MACROH2A1: variants seen among roughly 807,000 people sequenced by gnomAD.
The protein encoded by MACROH2A1 is macroH2A.1 histone, also known as core histone macro-H2A.1.
MACROH2A1 carries 2 observed loss-of-function variants against 31.6 expected under a neutral mutation model. The ratio of observed to expected loss-of-function variants is 0.06; its 90% CI spans 0.03 to 0.20. MACROH2A1 has a LOEUF of 0.20. Among genes scored for constraint, MACROH2A1 ranks in the 10% least tolerant of loss-of-function variants. The pLI is 1.00. For synonymous variants in MACROH2A1, 169 were observed against 189.6 expected (o/e 0.89, Z 0.89); for missense variants, 230 against 474.0 (o/e 0.49, Z 4.78).
intron 5 of MACROH2A1, 54 bp from the exon 6 acceptor site, chr5:135,353,099 G>T: frequency 8.8e-7 from 1 of 1,141,740 alleles, no homozygotes; most frequent in Non-Finnish European, 1.3e-6. Context: ...AAGTCTCAGA[G>T]AAGGAGCCTT....
rs967554153 is a variant in MACROH2A1, at chr5:135,338,191, A to G, written c.954-3050T>C. Among the ~76,000 whole-genome samples the G allele has an allele frequency of 1.4e-3, 215 of 152,294 alleles. 1 individual carries two copies. Among genetic ancestry groups the G allele is most frequent in the African/African-American group, 4.8e-3 (201 of 41,576 alleles). On this transcript the variant is annotated intron_variant, in intron 8 of 8. Transcript: ENST00000511689. ...GCAGCAGCTGAGGCAGGTCAGACCC[A>G]GGTCTGCCTCTGAGGCTTGGGTGGC...
chr5:135,392,289 C>T (rs1043307718), intron 1 of MACROH2A1, among the ~76,000 whole-genome samples: 2 of 152,198 alleles, frequency 1.3e-5, no homozygotes, highest in Non-Finnish European at 1.5e-5. Context: ...GTAGTCAACT[C>T]ATCCCAAGAA....
At position 135,340,626 on chromosome 5, in the gene MACROH2A1, G is replaced by A. The variant is rs942789629; in HGVS notation, c.953+2634C>T. On this transcript the variant is annotated intron_variant, in intron 8 of 8. Transcript: ENST00000511689. ...TTATGGTCATCTTCCATCCATGTAG[G>A]CTGTGCCACTGGGCCTCAGCTAAGA... Among the ~76,000 whole-genome samples, 7 of 152,296 alleles carry A rather than the reference G, an allele frequency of 4.6e-5. No individual in the cohort carries two copies. The South Asian group carries it at 1.5e-3, about 32-fold the overall frequency.
chr5:135,339,750 A>G (rs1440743893), intron 8 of MACROH2A1, among the ~76,000 whole-genome samples: 1 of 152,178 alleles, frequency 6.6e-6, no homozygotes, highest in Non-Finnish European at 1.5e-5. Flanking sequence ...CTTTGATCCA[A>G]GTCATCAGGA....
intron 5 of MACROH2A1, chr5:135,355,670 G>A (rs1157140449): frequency 4.9e-6 from 1 of 203,806 alleles, no homozygotes; most frequent in African/African-American, 2.3e-5. Flanking sequence ...TTGGCAGGTG[G>A]GCCAGTGGGC....
rs887159548 is a variant in MACROH2A1 at position 135,334,619 on chromosome 5, C to T, written c.*357G>A. 2.0e-5 allele frequency: 4 copies of T among 200,662 alleles called. No homozygotes were observed. The highest frequency in any genetic ancestry group is 2.0e-4 in the South Asian group (2 of 9,852). 12.4% of individuals were successfully genotyped at this position (200,662 alleles called of 1,614,324 possible). On this transcript the variant is annotated 3_prime_UTR_variant, in exon 9 of 9. Coordinates refer to ENST00000511689, the MANE Select transcript of MACROH2A1 (RefSeq NM_138610.3). Reference sequence around the variant, plus strand: ...ATGTACAATAAAGCACCACAACACACGCTTACAAACGGGGCTTCCTGGCTT... The same window carrying T: ...ATGTACAATAAAGCACCACAACACATGCTTACAAACGGGGCTTCCTGGCTT...
intron 1 of MACROH2A1, among the ~76,000 whole-genome samples, chr5:135,389,957 T>G (rs1178293736): frequency 1.3e-5 from 2 of 152,250 alleles, no homozygotes; most frequent in Non-Finnish European, 2.9e-5. Flanking sequence ...GGCCCTGGCC[T>G]GAAAGCTTTC....
intron 4 of MACROH2A1, among the ~76,000 whole-genome samples, chr5:135,363,681 G>A (rs1012476733): frequency 3.3e-5 from 5 of 152,086 alleles, no homozygotes; most frequent in African/African-American, 9.7e-5. Flanking sequence ...TAACCCTTTG[G>A]GTATATACCC....
At chr5:135,382,047 A>G (rs1323614483) in intron 2 of MACROH2A1, among the ~76,000 whole-genome samples, 1 of 152,256 alleles carries the variant, frequency 6.6e-6, no homozygotes, top group East Asian at 1.9e-4. Flanking sequence ...AATAGATCCC[A>G]AATGGAAGGT....
intron 4 of MACROH2A1, among the ~76,000 whole-genome samples, chr5:135,368,348 G>A (rs1763776030): frequency 6.6e-6 from 1 of 152,240 alleles, no homozygotes; most frequent in Non-Finnish European, 1.5e-5. Flanking sequence ...AGCCTGTCCT[G>A]GGAAGGTGTC....
chr5:135,373,898 T>C (rs1034235619), intron 2 of MACROH2A1, among the ~76,000 whole-genome samples: 1 of 152,154 alleles, frequency 6.6e-6, no homozygotes, highest in African/African-American at 2.4e-5. Context: ...AGCAAGAGCT[T>C]TATCTTCTGT....
intron 2 of MACROH2A1, among the ~76,000 whole-genome samples, chr5:135,384,354 T>C (rs112106843): frequency 0.024 from 3,667 of 152,350 alleles, 173 homozygotes; most frequent in African/African-American, 0.084. Context: ...AATCACTTTG[T>C]TAGCCAAAAC....
intron 2 of MACROH2A1, among the ~76,000 whole-genome samples, chr5:135,378,851 C>T (rs765702990): frequency 2.0e-5 from 3 of 152,118 alleles, no homozygotes; most frequent in East Asian, 1.9e-4. Context: ...GCACTTCCCC[C>T]GAAGTCCCTA....
intron 5 of MACROH2A1, chr5:135,356,984 A>C (rs1201678672): frequency 6.6e-6 from 1 of 152,144 alleles, no homozygotes; most frequent in African/African-American, 2.4e-5. Flanking sequence ...CCTGTCCCCA[A>C]AGTTCACTTC....
At chr5:135,370,332 A>C (rs1056988320) in intron 2 of MACROH2A1, among the ~76,000 whole-genome samples, 190 bp from the exon 3 acceptor site, 5 of 152,206 alleles carry the variant, frequency 3.3e-5, no homozygotes, top group Admixed American at 1.3e-4. Flanking sequence ...AGGAAGCCCC[A>C]GGTCCAATGC....
At chr5:135,365,879 G>A (rs939516338) in intron 4 of MACROH2A1, among the ~76,000 whole-genome samples, 1 of 152,220 alleles carries the variant, frequency 6.6e-6, no homozygotes, top group East Asian at 1.9e-4. Context: ...TCCACTTGTA[G>A]AAGGGTGATG....
intron 8 of MACROH2A1, among the ~76,000 whole-genome samples, chr5:135,340,304 A>G (rs764919097): frequency 1.3e-5 from 2 of 152,200 alleles, no homozygotes; most frequent in Non-Finnish European, 2.9e-5. Context: ...GGTTGCTGTG[A>G]GATAATGCAG....
intron 1 of MACROH2A1, among the ~76,000 whole-genome samples, chr5:135,391,641 A>C (rs1207958238): frequency 6.6e-6 from 1 of 152,166 alleles, no homozygotes; most frequent in Non-Finnish European, 1.5e-5. Flanking sequence ...GGGCCCACTT[A>C]CAAGTCCCAT....
chr5:135,398,163 C>T lies in MACROH2A1; in HGVS notation c.-34+899G>A, dbSNP rs1359182692. 1.3e-5 allele frequency among the ~76,000 whole-genome samples: 2 copies of T among 152,150 alleles called. No homozygotes were observed. The highest frequency in any genetic ancestry group is 6.5e-5 in the Admixed American group (1 of 15,280). On this transcript the variant is annotated intron_variant, in intron 1 of 8. Coordinates refer to ENST00000511689, the MANE Select transcript of MACROH2A1 (RefSeq NM_138610.3). The surrounding 1 kb of genome is among the most constrained non-coding windows in gnomAD (Gnocchi z 4.6). Reference sequence around the variant, plus strand: ...CTAAAAGAACCTTTCAAGCAATGTACTGACCAACTCCTTGAGTGATCTGTG... The same window carrying T: ...CTAAAAGAACCTTTCAAGCAATGTATTGACCAACTCCTTGAGTGATCTGTG...
Sources: gnomAD v4.1 joint callset for allele counts (sites outside exome capture counted in the v4.1 genomes callset) on GRCh38, gnomAD v4.1.1 for gene constraint, Gnocchi (gnomAD v3.1) non-coding constraint, MANE v1.5 for transcripts, NCBI Gene and HGNC (gene_info 2026-07-23, HGNC 2026-07-21) for gene names.